PRDM1: variants seen among roughly 807,000 people sequenced by gnomAD.
PRDM1 encodes PR/SET domain 1.
A neutral mutation model predicts 62.8 loss-of-function variants in PRDM1; 13 were observed. The ratio of observed to expected loss-of-function variants is 0.21; its 90% CI spans 0.13 to 0.33. PRDM1 has a LOEUF of 0.33. PRDM1 is among the 10% of genes least tolerant of loss of function. The pLI is 1.00. For missense variants in PRDM1, 895 were observed against 1,058.8 expected (o/e 0.85, Z 2.15); for synonymous variants, 396 against 417.6 (o/e 0.95, Z 0.63).
Position 106,074,858 on chromosome 6 carries a change from C to T in PRDM1, c.-66-13343C>T, listed in dbSNP as rs930151061. ...GCATAGTGGCACGCGCCTGTGTTCCCAGCTACTCAAGAGGCTGAGGCATGA... is the reference window on the plus strand; with the variant it reads ...GCATAGTGGCACGCGCCTGTGTTCCTAGCTACTCAAGAGGCTGAGGCATGA... On this transcript the variant is annotated intron_variant, in intron 1 of 6. Transcript: ENST00000651185. Among the ~76,000 whole-genome samples the T allele has an allele frequency of 2.6e-5, 4 of 152,290 alleles. No homozygotes were observed. The East Asian group carries it at 7.7e-4, about 29-fold the overall frequency.
chr6:106,081,772 T>G (rs991364501), upstream of PRDM1, among the ~76,000 whole-genome samples: 5 of 152,188 alleles, frequency 3.3e-5, no homozygotes, highest in African/African-American at 1.2e-4. Flanking sequence ...ACCTGTGTCC[T>G]TTGGTTAATA....
In PRDM1 at chr6:106,106,543, ATGTC is replaced by A. The variant is rs751972755; in HGVS notation, c.1902+48_1902+51del. The A allele has an allele frequency of 1.2e-4, 190 of 1,611,278 alleles. No individual in the cohort carries two copies. Among genetic ancestry groups the A allele is most frequent in the Non-Finnish European group, 1.6e-4 (184 of 1,179,008 alleles). On this transcript the variant is annotated intron_variant, in intron 6 of 6. Coordinates refer to ENST00000369096, the MANE Select transcript of PRDM1 (RefSeq NM_001198.4). The surrounding 1 kb of genome is among the most constrained non-coding windows in gnomAD (Gnocchi z 4.4). ...GTAGACCTTCTGACCTTTGTAGAAA[ATGTC>A]TGTGAGTCACCCTCCCATGTCCTAT...
chr6:106,043,402 A>C (rs536612104), intron 1 of PRDM1, among the ~76,000 whole-genome samples: 1 of 152,372 alleles, frequency 6.6e-6, no homozygotes, highest in South Asian at 2.1e-4. Flanking sequence ...TGGCATGTAG[A>C]GGGAGCTCAG....
intron 4 of PRDM1, among the ~76,000 whole-genome samples, chr6:106,102,325 T>G (rs1345057117): frequency 6.6e-6 from 1 of 152,242 alleles, no homozygotes; most frequent in Non-Finnish European, 1.5e-5. Flanking sequence ...GCTCCACTGA[T>G]TACTCAGCTG....
At chr6:106,087,950 TC>T (rs1452274377) in intron 1 of PRDM1, 3 of 280,104 alleles carry the variant, frequency 1.1e-5, no homozygotes, top group Admixed American at 5.0e-5. Context: ...TTTTTTTTTT[TC>T]CTTTTCCCCA....
chr6:106,025,050 T>C (rs905036007), intron 1 of PRDM1, among the ~76,000 whole-genome samples: 2 of 151,926 alleles, frequency 1.3e-5, no homozygotes, highest in East Asian at 1.9e-4. Flanking sequence ...GAAAAAAAAA[T>C]GTAAAATTAA....
At chr6:106,098,505 T>A (rs1774174816) in intron 3 of PRDM1, 1 of 1,223,248 alleles carries the variant, frequency 8.2e-7, no homozygotes, top group Non-Finnish European at 1.0e-6. Flanking sequence ...AACACACGCC[T>A]ATGGCTCTGT....
At chr6:106,093,243 G>T (rs1294108438) in intron 2 of PRDM1, among the ~76,000 whole-genome samples, 1 of 152,182 alleles carries the variant, frequency 6.6e-6, no homozygotes, top group African/African-American at 2.4e-5. Context: ...TTGGGCACAA[G>T]AAAATGTGTG....
chr6:106,053,271 T>C (rs1003685520), intron 1 of PRDM1, among the ~76,000 whole-genome samples: 2 of 152,188 alleles, frequency 1.3e-5, no homozygotes, highest in Non-Finnish European at 2.9e-5. Context: ...TTGTTGCAAA[T>C]AATTTAATTT....
Position 106,109,243 on chromosome 6 carries a change from G to T in PRDM1, c.*1757G>T. The T allele has an allele frequency of 8.6e-6, 2 of 231,894 alleles. No individual in the cohort carries two copies. The highest frequency in any genetic ancestry group is 1.7e-5 in the Non-Finnish European group (2 of 116,854). 14.4% of individuals were successfully genotyped at this position (231,894 alleles called of 1,614,324 possible). Reference sequence around the variant, plus strand: ...AGTGGTGGGGACCACAAAACAACCAGGGAGGAAGAGATACATCATTTTTTA... The same window carrying T: ...AGTGGTGGGGACCACAAAACAACCATGGAGGAAGAGATACATCATTTTTTA... On this transcript the variant is annotated 3_prime_UTR_variant, in exon 7 of 7. Coordinates refer to ENST00000369096, the MANE Select transcript of PRDM1 (RefSeq NM_001198.4).
At chr6:106,024,374 T>A (rs1306519903) in intron 1 of PRDM1, among the ~76,000 whole-genome samples, 3 of 152,168 alleles carry the variant, frequency 2.0e-5, no homozygotes, top group African/African-American at 7.2e-5. Flanking sequence ...TTCACTACAT[T>A]TCCTCTCCAC....
chr6:106,007,214 G>A (rs774067773), intron 1 of PRDM1, among the ~76,000 whole-genome samples: 2 of 151,728 alleles, frequency 1.3e-5, no homozygotes, highest in East Asian at 1.9e-4. Context: ...GGCGGATCAC[G>A]AGGTCAGGAG....
At chr6:106,021,175 C>T (rs187849454) in intron 1 of PRDM1, among the ~76,000 whole-genome samples, 64 of 152,300 alleles carry the variant, frequency 4.2e-4, no homozygotes, top group Non-Finnish European at 8.4e-4. Flanking sequence ...CAAGTATAAA[C>T]TGAGCAGACT....
chr6:106,058,998 T>C (rs376079181), intron 1 of PRDM1, among the ~76,000 whole-genome samples: 1 of 152,358 alleles, frequency 6.6e-6, no homozygotes, highest in African/African-American at 2.4e-5. Context: ...ATCTAGTCAG[T>C]AATTCTTTTC....
rs141223732 is a variant in PRDM1 at position 106,048,863 on chromosome 6, C to A, written c.-67+149C>A. 3.3e-5 allele frequency among the ~76,000 whole-genome samples: 5 copies of A among 151,774 alleles called. No homozygotes were observed. The East Asian group carries it at 9.7e-4, about 29-fold the overall frequency. ...TTTCTTTCTGAGACAGAGTCTTGCT[C>A]TGTCCCCCAGGCTGGCGTACAGTGG... On this transcript the variant is annotated intron_variant, in intron 1 of 6. Transcript: ENST00000651185.
chr6:106,065,442 G>A (rs780586562), intron 1 of PRDM1, among the ~76,000 whole-genome samples: 17 of 152,236 alleles, frequency 1.1e-4, no homozygotes, highest in Admixed American at 6.5e-4. Context: ...ATAGCGTCTC[G>A]TGTTGTTAAT....
chr6:106,044,879 A>G (rs940646072), upstream of PRDM1, among the ~76,000 whole-genome samples: 1 of 152,220 alleles, frequency 6.6e-6, no homozygotes, highest in Non-Finnish European at 1.5e-5. Context: ...ATACGTAGAC[A>G]CTTTTGGAAA....
At chr6:106,007,464 C>G (rs561546058) in intron 1 of PRDM1, among the ~76,000 whole-genome samples, 1 of 148,506 alleles carries the variant, frequency 6.7e-6, no homozygotes, top group South Asian at 2.2e-4. Flanking sequence ...ACAAAGGCAA[C>G]TGTCATTTTT....
At chr6:106,053,313 C>G (rs1203650400) in intron 1 of PRDM1, among the ~76,000 whole-genome samples, 1 of 152,108 alleles carries the variant, frequency 6.6e-6, no homozygotes, top group Non-Finnish European at 1.5e-5. Flanking sequence ...TTGAATCAGA[C>G]AGAAGACCTC....
Sources: gnomAD v4.1 joint callset for allele counts (sites outside exome capture counted in the v4.1 genomes callset) on GRCh38, gnomAD v4.1.1 for gene constraint, Gnocchi (gnomAD v3.1) non-coding constraint, MANE v1.5 for transcripts, NCBI Gene and HGNC (gene_info 2026-07-23, HGNC 2026-07-21) for gene names.